Variants in ASPH observed in about 807,000 individuals in gnomAD.
ASPH encodes the protein aspartate beta-hydroxylase.
ASPH carries 100 observed loss-of-function variants against 118.4 expected under a neutral mutation model. That is an observed-to-expected ratio of 0.84 (90% confidence interval 0.72 to 1.00). The LOEUF (loss-of-function observed/expected upper bound fraction) is 1.00. ASPH is among the 50% of genes least tolerant of loss of function. The pLI is 0.00. For synonymous variants in ASPH, 315 were observed against 325.6 expected, an observed-to-expected ratio of 0.97 and a Z score of 0.35; for missense variants, 920 against 919.5, an observed-to-expected ratio of 1.00 and a Z score of -0.01.
chr8:61,508,252 A>T (rs1465758765), intron 24 of ASPH, among the ~76,000 whole-genome samples: 1 of 152,036 alleles, frequency 6.6e-6, no homozygotes, highest in Non-Finnish European at 1.5e-5. Flanking sequence ...CTGGGCTCAA[A>T]CAATTCTCCT....
chr8:61,665,222 C>T (rs1818923399), intron 3 of ASPH: 3 of 1,542,630 alleles, frequency 1.9e-6, no homozygotes, highest in Non-Finnish European at 2.6e-6. Context: ...TGGAACATGA[C>T]CATGTTCTGG....
intron 22 of ASPH, 66 bp downstream of exon 22, chr8:61,525,911 T>C (rs1256504939): frequency 1.1e-5 from 17 of 1,594,266 alleles, no homozygotes; most frequent in Non-Finnish European, 1.5e-5. Context: ...ACCAGAAGAC[T>C]CTTGTCAGTA....
chr8:61,519,066 A>C (rs1811995150), intron 22 of ASPH, among the ~76,000 whole-genome samples: 1 of 152,234 alleles, frequency 6.6e-6, no homozygotes, highest in South Asian at 2.1e-4. Flanking sequence ...AGCAGCTATG[A>C]AATTATTACA....
intron 16 of ASPH, among the ~76,000 whole-genome samples, chr8:61,567,670 C>T (rs1219677164): frequency 6.6e-6 from 1 of 152,150 alleles, no homozygotes; most frequent in Non-Finnish European, 1.5e-5. Flanking sequence ...TGTATGCATT[C>T]GTTCATTTAA....
intron 15 of ASPH, chr8:61,579,578 C>A: frequency 1.3e-6 from 2 of 1,522,508 alleles, no homozygotes; most frequent in South Asian, 2.2e-5. Flanking sequence ...GCTCCCTCAG[C>A]CGCACCAGTT....
chr8:61,664,443 T>G, intron 3 of ASPH: 1 of 983,242 alleles, frequency 1.0e-6, no homozygotes, highest in Non-Finnish European at 1.2e-6. Flanking sequence ...GAAACTGTTC[T>G]TCTAAATACA....
chr8:61,707,837 T>C (rs1837067865), intron 1 of ASPH, among the ~76,000 whole-genome samples: 1 of 152,174 alleles, frequency 6.6e-6, no homozygotes, highest in South Asian at 2.1e-4. Flanking sequence ...TTTTAATACG[T>C]GCTATACAGT....
intron 15 of ASPH, among the ~76,000 whole-genome samples, chr8:61,581,425 C>T (rs16927584): frequency 6.6e-6 from 1 of 152,192 alleles, no homozygotes; most frequent in Non-Finnish European, 1.5e-5. Flanking sequence ...GTAGGCCACA[C>T]TGTGTTGACA....
intron 3 of ASPH, chr8:61,665,387 T>C (rs1819047146): frequency 1.2e-6 from 2 of 1,613,558 alleles, no homozygotes; most frequent in Admixed American, 1.7e-5. Flanking sequence ...TTTTTTCCTA[T>C]TTTCCTTGGT....
At chr8:61,589,441 AC>A in intron 14 of ASPH, among the ~76,000 whole-genome samples, 1 of 152,304 alleles carries the variant, frequency 6.6e-6, no homozygotes, top group South Asian at 2.1e-4. Context: ...TAATTCACTC[AC>A]CCATGTTTAA....
chr8:61,645,390 G>A (rs1281213400), intron 6 of ASPH, among the ~76,000 whole-genome samples: 1 of 152,120 alleles, frequency 6.6e-6, no homozygotes, highest in Admixed American at 6.5e-5. Context: ...ACTGAAATTT[G>A]TTGTATAAGC....
chr8:61,681,700 C>A (rs1430164412), intron 2 of ASPH, among the ~76,000 whole-genome samples: 3 of 151,678 alleles, frequency 2.0e-5, no homozygotes, highest in East Asian at 1.9e-4. Flanking sequence ...TCAGCACAGG[C>A]AATCTATACT....
chr8:61,553,179 G>T (rs1471558641), intron 19 of ASPH, 59 bp from the exon 20 acceptor site: 3 of 1,285,650 alleles, frequency 2.3e-6, no homozygotes, highest in South Asian at 2.6e-5. Flanking sequence ...TCCATTAATT[G>T]ATTTACATAG....
At chr8:61,594,643 T>A (rs28667576) in intron 14 of ASPH, among the ~76,000 whole-genome samples, 1 of 152,204 alleles carries the variant, frequency 6.6e-6, no homozygotes, top group African/African-American at 2.4e-5. Context: ...GGAGACCACA[T>A]TCATATAACT....
At chr8:61,538,363 TA>T (rs1465645388) in intron 21 of ASPH, among the ~76,000 whole-genome samples, 1 of 152,250 alleles carries the variant, frequency 6.6e-6, no homozygotes, top group African/African-American at 2.4e-5. Flanking sequence ...AAGATAAGAC[TA>T]AGCTATTATG....
chr8:61,598,758 T>A lies in ASPH; in HGVS notation c.977-14729A>T, dbSNP rs2133335158. Among the ~76,000 whole-genome samples the A allele has an allele frequency of 2.0e-5, 3 of 152,320 alleles. No homozygotes were observed. The South Asian group carries it at 6.2e-4, about 32-fold the overall frequency. ...CATATGTTAGGCCACAGAACATGTC[T>A]TGACAAATTTTAAAAAATTGAAATC... On this transcript the variant is annotated intron_variant, in intron 14 of 24. Transcript: ENST00000379454.
At chr8:61,567,622 C>G (rs1391526290) in intron 16 of ASPH, among the ~76,000 whole-genome samples, 3 of 152,182 alleles carry the variant, frequency 2.0e-5, no homozygotes, top group Admixed American at 6.5e-5. Flanking sequence ...ATAGGCAGGT[C>G]TCCAGCCCAA....
At chr8:61,594,456 AC>A (rs1841998093) in intron 14 of ASPH, among the ~76,000 whole-genome samples, 1 of 152,160 alleles carries the variant, frequency 6.6e-6, no homozygotes, top group Non-Finnish European at 1.5e-5. Context: ...ATGTTCCCAA[AC>A]CCCAATACCA....
At chr8:61,631,433 GT>G (rs1855557100) in intron 13 of ASPH, among the ~76,000 whole-genome samples, 1 of 151,952 alleles carries the variant, frequency 6.6e-6, no homozygotes, top group African/African-American at 2.4e-5. Flanking sequence ...CTACGTTTAG[GT>G]ATGTTTTCAT....
Sources: allele counts gnomAD v4.1 joint callset (sites outside exome capture counted in the v4.1 genomes callset), GRCh38; gene constraint gnomAD v4.1.1; transcripts MANE v1.5; gene names NCBI Gene and HGNC (gene_info 2026-07-23, HGNC 2026-07-21).